Variants in C4orf51 observed in about 807,000 individuals in gnomAD.
The protein encoded by C4orf51 is uncharacterized protein C4orf51.
A neutral mutation model predicts 25.2 loss-of-function variants in C4orf51; 25 were observed. The ratio of observed to expected loss-of-function variants is 0.99; its 90% CI spans 0.72 to 1.39. The LOEUF is 1.39. Ranked by LOEUF, C4orf51 falls within the 40% of genes most tolerant of loss-of-function variation. The pLI, the probability that C4orf51 is intolerant of heterozygous loss-of-function variation, is 0.00. For missense variants in C4orf51, 252 were observed against 239.6 expected (o/e 1.05, Z -0.34); for synonymous variants, 100 against 84.5 (o/e 1.18, Z -1.01).
chr4:145,716,176 A>T (rs1020883361), intron 2 of C4orf51, among the ~76,000 whole-genome samples: 6 of 151,842 alleles, frequency 4.0e-5, no homozygotes, highest in Non-Finnish European at 8.8e-5. Flanking sequence ...ACTCAATAAA[A>T]TTTTTTTTTC....
At chr4:145,751,642 C>T (rs1733681424) in intron 1 of C4orf51, among the ~76,000 whole-genome samples, 1 of 152,192 alleles carries the variant, frequency 6.6e-6, no homozygotes. Flanking sequence ...CCTGGCTCTA[C>T]TTATGTACTT....
chr4:145,760,639 C>G, intron 1 of C4orf51: 1 of 402,834 alleles, frequency 2.5e-6, no homozygotes, highest in Non-Finnish European at 3.6e-6. Context: ...TAAAGATATA[C>G]AGTACACATG....
At chr4:145,772,331 T>C (rs532547268), downstream of C4orf51, among the ~76,000 whole-genome samples, 1 of 152,328 alleles carries the variant, frequency 6.6e-6, no homozygotes, top group East Asian at 1.9e-4. Flanking sequence ...ATATAACATA[T>C]ATATTGCTTT....
At chr4:145,780,280 G>A in the C4orf51 span, among the ~76,000 whole-genome samples, 2 of 152,308 alleles carry the variant, frequency 1.3e-5, no homozygotes, top group East Asian at 1.9e-4. Context: ...TCCCTTGAAA[G>A]GAAATATGCT....
At chr4:145,682,151 C>T (rs560264477) in intron 1 of C4orf51, among the ~76,000 whole-genome samples, 42 of 152,222 alleles carry the variant, frequency 2.8e-4, no homozygotes, top group African/African-American at 7.9e-4. Flanking sequence ...CCAACCAAGG[C>T]GGCCTGTGAC....
chr4:145,718,474 C>T (rs1731538087), intron 2 of C4orf51, among the ~76,000 whole-genome samples: 1 of 152,220 alleles, frequency 6.6e-6, no homozygotes, highest in African/African-American at 2.4e-5. Context: ...CATCCTTTCT[C>T]ACCTACTCTT....
At chr4:145,764,910 C>T (rs779472938) in intron 1 of C4orf51, 62 of 1,600,694 alleles carry the variant, frequency 3.9e-5, no homozygotes, top group East Asian at 2.7e-4. Context: ...AAAACCTTCA[C>T]GGGAAGGGAC....
At chr4:145,706,680 G>A (rs139781917) in intron 2 of C4orf51, among the ~76,000 whole-genome samples, 24 of 151,926 alleles carry the variant, frequency 1.6e-4, no homozygotes, top group East Asian at 3.9e-4. Flanking sequence ...TCGCTCTGTC[G>A]CCCAGCCTGG....
chr4:145,746,187 TG>T (rs1733363239), intron 1 of C4orf51, among the ~76,000 whole-genome samples: 1 of 152,070 alleles, frequency 6.6e-6, no homozygotes, highest in Non-Finnish European at 1.5e-5. Flanking sequence ...TCACTTTGTT[TG>T]TTTCCTTTGG....
intron 2 of C4orf51, among the ~76,000 whole-genome samples, chr4:145,721,417 T>C (rs1731734096): frequency 6.6e-6 from 1 of 151,162 alleles, no homozygotes; most frequent in African/African-American, 2.4e-5. Flanking sequence ...TTGCCTGGAA[T>C]TGAGGGCCTC....
chr4:145,761,555 C>G lies in C4orf51; in HGVS notation n.167-9433C>G, dbSNP rs1488330261. ...TTGTAGTGGGTCTTGAGGTGGCACTCCATGGCAGCGGGGCGGTTGGTGGAA... is the reference window on the plus strand; with the variant it reads ...TTGTAGTGGGTCTTGAGGTGGCACTGCATGGCAGCGGGGCGGTTGGTGGAA... On this transcript the variant is annotated intron_variant and non_coding_transcript_variant, in intron 1 of 1. Transcript: ENST00000510096. This position sits in a 1 kb window ranked among gnomAD's most constrained non-coding sequence, Gnocchi z 6.8. 7.8e-7 allele frequency: 1 copy of G among 1,280,800 alleles called. No individual in the cohort carries two copies. Among genetic ancestry groups the G allele is most frequent in the African/African-American group, 1.5e-5 (1 of 65,704 alleles). 79.3% of individuals were successfully genotyped at this position (1,280,800 alleles called of 1,614,324 possible).
the C4orf51 span, among the ~76,000 whole-genome samples, chr4:145,782,032 G>C: frequency 1.3e-5 from 2 of 152,238 alleles, no homozygotes; most frequent in Non-Finnish European, 2.9e-5. Context: ...CTGTGCTGCA[G>C]CTGAGTGGGA....
At chr4:145,736,060 C>G (rs1732787207), downstream of C4orf51, among the ~76,000 whole-genome samples, 1 of 152,070 alleles carries the variant, frequency 6.6e-6, no homozygotes, top group Non-Finnish European at 1.5e-5. Context: ...CCCTCTTAGA[C>G]TTATTAAGTC....
At chr4:145,770,029 G>A (rs922698861) in intron 1 of C4orf51, among the ~76,000 whole-genome samples, 1 of 152,216 alleles carries the variant, frequency 6.6e-6, no homozygotes, top group African/African-American at 2.4e-5. Flanking sequence ...TGGGTGCCGT[G>A]GCTCACGCCT....
chr4:145,729,847 C>T (rs781647800), intron 4 of C4orf51, 45 bp from the exon 5 acceptor site: 3 of 1,520,218 alleles, frequency 2.0e-6, no homozygotes, highest in Non-Finnish European at 2.7e-6. Flanking sequence ...ATGGTAGACT[C>T]TCTTTATCGC....
intron 2 of C4orf51, among the ~76,000 whole-genome samples, chr4:145,710,152 C>T (rs1300043778): frequency 3.3e-5 from 5 of 152,150 alleles, no homozygotes; most frequent in South Asian, 2.1e-4. Flanking sequence ...TTACCAGCAG[C>T]GAATCCATAC....
the C4orf51 span, chr4:145,779,289 T>C: frequency 6.7e-7 from 1 of 1,500,762 alleles, no homozygotes; most frequent in Non-Finnish European, 8.9e-7. Flanking sequence ...CTGTAATGCC[T>C]CTCTTAGAGA....
intron 2 of C4orf51, among the ~76,000 whole-genome samples, chr4:145,724,374 CT>C (rs1320159669): frequency 3.9e-5 from 6 of 151,934 alleles, no homozygotes; most frequent in Admixed American, 6.6e-5. Flanking sequence ...TTGTTAAGCT[CT>C]TTGACTCTGG....
At chr4:145,703,725 T>C (rs1042329742) in intron 2 of C4orf51, among the ~76,000 whole-genome samples, 4 of 152,236 alleles carry the variant, frequency 2.6e-5, no homozygotes, top group African/African-American at 9.6e-5. Context: ...AGGAGTTTCT[T>C]GTTTTCAGGT....
Sources: allele counts gnomAD v4.1 joint callset (sites outside exome capture counted in the v4.1 genomes callset), GRCh38; gene constraint gnomAD v4.1.1; non-coding constraint Gnocchi (gnomAD v3.1); transcripts MANE v1.5; gene names NCBI Gene and HGNC (gene_info 2026-07-23, HGNC 2026-07-21).